SFTPA2: variants seen among roughly 807,000 people sequenced by gnomAD.
The protein encoded by SFTPA2 is surfactant protein A2.
Under a neutral mutation model 20.3 loss-of-function variants are expected in SFTPA2, and 21 were observed. The ratio of observed to expected loss-of-function variants is 1.03; its 90% CI spans 0.73 to 1.49. The LOEUF (loss-of-function observed/expected upper bound fraction) is 1.49, where lower values mean the gene tolerates loss of function less well. Ranked by LOEUF, SFTPA2 falls within the 40% of genes most tolerant of loss-of-function variation. The pLI is 0.00. For missense variants in SFTPA2, 302 were observed against 314.8 expected, an observed-to-expected ratio of 0.96 and a Z score of 0.31; for synonymous variants, 116 against 118.7, an observed-to-expected ratio of 0.98 and a Z score of 0.15.
intron 5 of SFTPA2, among the ~76,000 whole-genome samples, chr10:79,557,826 G>A (rs534884301): frequency 6.6e-6 from 1 of 152,338 alleles, no homozygotes; most frequent in East Asian, 1.9e-4. Context: ...GGATTCAGTG[G>A]AAAGCAAGAC....
chr10:79,557,043 T>C lies in SFTPA2; in HGVS notation c.*166A>G, dbSNP rs1858823664. 2.6e-6 allele frequency: 3 copies of C among 1,168,512 alleles called. No individual in the cohort carries two copies. Among genetic ancestry groups the C allele is most frequent in the Non-Finnish European group, 3.6e-6 (3 of 826,536 alleles). The allele number at this position is 1,168,512 out of a possible 1,614,324, so 72.4% of individuals were successfully genotyped here. On this transcript the variant is annotated 3_prime_UTR_variant, in exon 6 of 6. Coordinates refer to ENST00000372325, the MANE Select transcript of SFTPA2 (RefSeq NM_001098668.4). Reference sequence around the variant, plus strand: ...GCTGGTCAGTGATTATGGGGAAGAGTCAGGGCCCATCAGGGGAATGAAGTG... The same window carrying C: ...GCTGGTCAGTGATTATGGGGAAGAGCCAGGGCCCATCAGGGGAATGAAGTG...
In SFTPA2 at chr10:79,556,931, G is replaced by A. The variant is rs958473260; in HGVS notation, c.*278C>T. ...AGGAACTGGACCAGATGGGGAATAA[G>A]GAGGCCTCCATCTCATGCCAAAGGC... is the stretch of plus-strand genomic sequence containing the variant. On this transcript the variant is annotated 3_prime_UTR_variant, in exon 6 of 6. Coordinates refer to ENST00000372325, the MANE Select transcript of SFTPA2 (RefSeq NM_001098668.4). 9 of 556,178 alleles carry A rather than the reference G, an allele frequency of 1.6e-5. No homozygotes were observed. The highest frequency in any genetic ancestry group is 2.9e-5 in the Non-Finnish European group (9 of 312,840). The allele number at this position is 556,178 out of a possible 1,614,324, so 34.5% of individuals were successfully genotyped here. A position where few individuals can be genotyped will look rare whatever the true frequency, so the allele number is the denominator to read the frequency against.
chr10:79,560,107 G>A lies in SFTPA2; in HGVS notation c.-53-109C>T, dbSNP rs1227543230. 4.6e-6 allele frequency: 4 copies of A among 875,224 alleles called. No homozygotes were observed. The Admixed American group carries it at 2.1e-4, about 45-fold the overall frequency. The allele number at this position is 875,224 out of a possible 1,614,324, so 54.2% of individuals were successfully genotyped here. A position where few individuals can be genotyped will look rare whatever the true frequency, so the allele number is the denominator to read the frequency against. On this transcript the variant is annotated intron_variant, in intron 1 of 5. Transcript: ENST00000372325. ...GTGATGAGGTCTTCCTTCCTCTTGG[G>A]GTCTGTTCTCCCACTCCCCCTGCTT...
chr10:79,555,956 T>C lies in SFTPA2; in HGVS notation c.*1253A>G, dbSNP rs899417594. On this transcript the variant is annotated 3_prime_UTR_variant, in exon 6 of 6. Coordinates refer to ENST00000372325, the MANE Select transcript of SFTPA2 (RefSeq NM_001098668.4). ...AGCATGAACTTCAGGTCCAGGAAGA[T>C]GGGTTTGGATCCAGTCTTTGCCATT... 4.6e-5 allele frequency: 7 copies of C among 152,418 alleles called. No individual in the cohort carries two copies. The highest frequency in any genetic ancestry group is 3.4e-3 in the Middle Eastern group (1 of 294). The allele number at this position is 152,418 out of a possible 1,614,324, so 9.4% of individuals were successfully genotyped here.
At position 79,556,008 on chromosome 10, in the gene SFTPA2, T is replaced by G. The variant is rs1858755372; in HGVS notation, c.*1201A>C. ...GCTCTCTGAAATAACACTCAAAACA[T>G]TTCACTCCTCTAAGCTTCAGTGTCC... On this transcript the variant is annotated 3_prime_UTR_variant, in exon 6 of 6. Transcript: ENST00000372325. The G allele has an allele frequency of 6.5e-6, 1 of 153,772 alleles. No individual in the cohort carries two copies. Among genetic ancestry groups the G allele is most frequent in the African/African-American group, 2.4e-5 (1 of 41,422 alleles). 9.5% of individuals were successfully genotyped at this position (153,772 alleles called of 1,614,324 possible). A position where few individuals can be genotyped will look rare whatever the true frequency, so the allele number is the denominator to read the frequency against.
chr10:79,560,070 C>T (rs1477085504), intron 1 of SFTPA2, 72 bp from the exon 2 acceptor site: 2 of 1,019,258 alleles, frequency 2.0e-6, no homozygotes, highest in Non-Finnish European at 2.4e-6. Flanking sequence ...GGTGATGACC[C>T]TCTCACAGTC....
In SFTPA2 at chr10:79,558,945, G is replaced by T. The variant is rs766747323; in HGVS notation, c.233C>A (p.Ala78Asp). 12 of 1,614,000 alleles carry T rather than the reference G, an allele frequency of 7.4e-6. No homozygotes were observed. The Admixed American group carries it at 1.2e-4, about 16-fold the overall frequency. The change falls in exon 4 of 6, where the codon GCC (alanine) becomes GAC (aspartate). Residue 78 changes from alanine (A) to aspartate (D), a missense_variant. Transcript: ENST00000372325. ...TCCACGCTCTCCAGGGACACCAGGGGCTCCAGGCAGCCCATTATTCCCAGG... is the reference window on the plus strand; with the variant it reads ...TCCACGCTCTCCAGGGACACCAGGGTCTCCAGGCAGCCCATTATTCCCAGG... ...CPPGNNGLPG[A>D]PGVPGERGEK... is the part of the protein sequence containing the mutation.
intron 2 of SFTPA2, 42 bp downstream of exon 2, chr10:79,559,927 A>C: frequency 2.2e-6 from 3 of 1,359,480 alleles, no homozygotes; most frequent in South Asian, 1.7e-5. Flanking sequence ...GAGGTCACTC[A>C]CTCACTGACT....
At position 79,557,553 on chromosome 10, in the gene SFTPA2, C is replaced by G; in HGVS notation, c.403G>C (p.Gly135Arg). 1.2e-6 allele frequency: 2 copies of G among 1,612,278 alleles called. No individual in the cohort carries two copies. The highest frequency in any genetic ancestry group is 1.7e-6 in the Non-Finnish European group (2 of 1,179,026). The part of the protein sequence containing the change: ...LSLQGSIMTV[G>R]EKVFSSNGQS... The stretch of plus-strand genomic sequence containing the variant: ...CCATTGCTGGAGAAGACCTTCTCTC[C>G]TACTGTCATTATGGAGCCCTGCAGA... Residue 135 changes from glycine (G) to arginine (R), a missense_variant, in exon 6 of 6, where the codon GGA (glycine) becomes CGA (arginine). Gly to Arg is a moderately radical substitution (Grantham distance 125). Coordinates refer to ENST00000372325, the MANE Select transcript of SFTPA2 (RefSeq NM_001098668.4).
At chr10:79,559,866 T>A in intron 2 of SFTPA2, 103 bp downstream of exon 2, 15 of 1,372,184 alleles carry the variant, frequency 1.1e-5, no homozygotes, top group Non-Finnish European at 1.3e-5. Context: ...GAATCTTCCA[T>A]GCTCTGCAGA....
Position 79,558,868 on chromosome 10 carries a change from C to A in SFTPA2, c.292+18G>T, listed in dbSNP as rs1181640276. 22 of 1,614,000 alleles carry A rather than the reference C, an allele frequency of 1.4e-5. No individual in the cohort carries two copies. The highest frequency in any genetic ancestry group is 1.9e-5 in the Non-Finnish European group (22 of 1,180,016). ...CTGTGCCCATGTTTCCACTGCCCAC[C>A]TGCCCCGCCCTGCTCACCTGGAGGG... On this transcript the variant is annotated intron_variant, in intron 4 of 5. Transcript: ENST00000372325.
At chr10:79,558,809 C>T (rs17882088) in intron 4 of SFTPA2, 77 bp downstream of exon 4, 288,324 of 1,610,360 alleles carry the variant, frequency 0.18, 27,816 homozygotes, top group South Asian at 0.29. Flanking sequence ...GTTTGTCTGA[C>T]CCCCATCACC....
At position 79,559,970 on chromosome 10, in the gene SFTPA2, T is replaced by G. The variant is rs1859096892; in HGVS notation, c.-25A>C. ...TCTGTCCCTCATATGCCCAGTTACCTTCTTTTCAGGCTCCAAGAAATCAGC... is the reference window on the plus strand; with the variant it reads ...TCTGTCCCTCATATGCCCAGTTACCGTCTTTTCAGGCTCCAAGAAATCAGC... On this transcript the variant is annotated splice_region_variant and 5_prime_UTR_variant, in exon 2 of 6. Coordinates refer to ENST00000372325, the MANE Select transcript of SFTPA2 (RefSeq NM_001098668.4). The G allele has an allele frequency of 1.6e-6, 2 of 1,239,022 alleles. No individual in the cohort carries two copies. Among genetic ancestry groups the G allele is most frequent in the Non-Finnish European group, 2.0e-6 (2 of 985,640 alleles). 76.8% of individuals were successfully genotyped at this position (1,239,022 alleles called of 1,614,324 possible). A position where few individuals can be genotyped will look rare whatever the true frequency, so the allele number is the denominator to read the frequency against.
intron 1 of SFTPA2, 117 bp from the exon 2 acceptor site, chr10:79,560,115 C>T (rs927076507): frequency 9.0e-6 from 7 of 773,504 alleles, no homozygotes; most frequent in Admixed American, 1.0e-4. Flanking sequence ...GGGGTCTGTT[C>T]TCCCACTCCC....
At chr10:79,559,900 C>A in intron 2 of SFTPA2, 69 bp downstream of exon 2, 1 of 1,378,862 alleles carries the variant, frequency 7.3e-7, no homozygotes, top group South Asian at 1.6e-5. Context: ...CCCTCCCAGG[C>A]TGTTAGAAGG....
At position 79,559,822 on chromosome 10, in the gene SFTPA2, C is replaced by G. The variant is rs373455710; in HGVS notation, c.-24+147G>C. ...TCTTTCAGTGCCTCACTATGTTACC[C>G]TGGGAAACTGGCTTCACCTCTCTGA... On this transcript the variant is annotated intron_variant, in intron 2 of 5. Transcript: ENST00000372325. 89 of 1,387,544 alleles carry G rather than the reference C, an allele frequency of 6.4e-5. 1 individual carries two copies. Among genetic ancestry groups the G allele is most frequent in the East Asian group, 5.3e-4 (21 of 39,564 alleles). The allele number at this position is 1,387,544 out of a possible 1,614,324, so 86.0% of individuals were successfully genotyped here. A position where few individuals can be genotyped will look rare whatever the true frequency, so the allele number is the denominator to read the frequency against.
In SFTPA2 at chr10:79,557,169, G is replaced by C. The variant is rs1858833801; in HGVS notation, c.*40C>G. On this transcript the variant is annotated 3_prime_UTR_variant, in exon 6 of 6. Coordinates refer to ENST00000372325, the MANE Select transcript of SFTPA2 (RefSeq NM_001098668.4). Reference sequence around the variant, plus strand: ...TGGATCCTGGGGATGGAAACTGAAGGCCAGACAGGATCCTCCCTGTCCCAT... The same window carrying C: ...TGGATCCTGGGGATGGAAACTGAAGCCCAGACAGGATCCTCCCTGTCCCAT... 1.2e-6 allele frequency: 2 copies of C among 1,614,016 alleles called. No individual in the cohort carries two copies. The highest frequency in any genetic ancestry group is 1.7e-5 in the Admixed American group (1 of 59,986).
rs748914590 is a variant in SFTPA2 at position 79,557,631 on chromosome 10, T to C, written c.371-46A>G. 4 of 1,605,470 alleles carry C rather than the reference T, an allele frequency of 2.5e-6. No homozygotes were observed. In the Admixed American group the frequency reaches 5.0e-5, roughly 20 times the overall value. ...GTCAGGCCACTGACCACTTTGTCTC[T>C]AAGCCACCTCCCTCACCTAGGGTCT... is the stretch of plus-strand genomic sequence containing the variant. On this transcript the variant is annotated intron_variant, in intron 5 of 5. Coordinates refer to ENST00000372325, the MANE Select transcript of SFTPA2 (RefSeq NM_001098668.4).
chr10:79,557,095 C>T lies in SFTPA2; in HGVS notation c.*114G>A, dbSNP rs1474055037. The T allele has an allele frequency of 1.9e-6, 3 of 1,579,220 alleles. No individual in the cohort carries two copies. Among genetic ancestry groups the T allele is most frequent in the African/African-American group, 1.3e-5 (1 of 74,298 alleles). On this transcript the variant is annotated 3_prime_UTR_variant, in exon 6 of 6. Coordinates refer to ENST00000372325, the MANE Select transcript of SFTPA2 (RefSeq NM_001098668.4). ...CTAAGGGTGCCTCCAGCTCTAATAG[C>T]CACAAGTGAATTCTGTTGAAAGGGA... is the stretch of plus-strand genomic sequence containing the variant.
Sources: gnomAD v4.1 joint callset for allele counts (sites outside exome capture counted in the v4.1 genomes callset) on GRCh38, gnomAD v4.1.1 for gene constraint, MANE v1.5 for transcripts, NCBI Gene and HGNC (gene_info 2026-07-23, HGNC 2026-07-21) for gene names.